Variants in PTK2B observed in about 807,000 individuals in gnomAD.
PTK2B encodes protein-tyrosine kinase 2-beta.
Under a neutral mutation model 142.9 loss-of-function variants are expected in PTK2B, and 71 were observed. The observed-to-expected ratio is 0.50, with a 90% CI of 0.41 to 0.61. PTK2B has a LOEUF of 0.61. Among genes scored for constraint, PTK2B ranks in the 20% least tolerant of loss-of-function variants. PTK2B has a pLI of 0.00. For missense variants in PTK2B, 1,105 were observed against 1,320.4 expected (o/e 0.84, Z 2.53); for synonymous variants, 519 against 503.4 (o/e 1.03, Z -0.42).
upstream of PTK2B, among the ~76,000 whole-genome samples, chr8:27,322,060 G>C (rs557929202): frequency 5.5e-4 from 83 of 151,654 alleles, no homozygotes; most frequent in African/African-American, 1.9e-3. Context: ...CATGATTATA[G>C]CTCACTGTAA....
In PTK2B at chr8:27,444,235, G is replaced by A. The variant is rs144972819; in HGVS notation, c.2178G>A (p.Pro726=). 5.8e-5 allele frequency: 93 copies of A among 1,613,766 alleles called. No individual in the cohort carries two copies. The African/African-American group carries it at 7.7e-4, about 13-fold the overall frequency. Reference sequence around the variant, plus strand: ...GCCGACCTAAGTACAGACCCCCTCCGCAAACCAACCTCCTGGCTCCAAAGC... The same window carrying A: ...GCCGACCTAAGTACAGACCCCCTCCACAAACCAACCTCCTGGCTCCAAAGC... ...KPSRPKYRPP[P]QTNLLAPKLQ... Residue 726 remains proline (P), a synonymous_variant, in exon 23 of 31, where the codon CCG becomes CCA. Coordinates refer to ENST00000346049, the MANE Select transcript of PTK2B (RefSeq NM_173176.3).
intron 10 of PTK2B, among the ~76,000 whole-genome samples, chr8:27,432,710 T>G (rs937714393): frequency 3.3e-5 from 5 of 152,066 alleles, no homozygotes; most frequent in Admixed American, 6.5e-5. Context: ...ACATGGGTTT[T>G]TTTGTTTGTT....
chr8:27,366,488 A>C (rs1201523196), intron 1 of PTK2B, among the ~76,000 whole-genome samples: 1 of 152,238 alleles, frequency 6.6e-6, no homozygotes, highest in African/African-American at 2.4e-5. Flanking sequence ...TCTTTCCACC[A>C]GCCAGATCAT....
chr8:27,311,411 C>CT, upstream of PTK2B: 3 of 792,174 alleles, frequency 3.8e-6, no homozygotes, highest in South Asian at 1.9e-5. Context: ...AGGGAGGGGG[C>CT]GCTCGGAGGA....
At position 27,448,299 on chromosome 8, in the gene PTK2B, T is replaced by C. The variant is rs191724604; in HGVS notation, c.2340+2380T>C. Among the ~76,000 whole-genome samples, 161 of 152,330 alleles carry C rather than the reference T, an allele frequency of 1.1e-3. 4 individuals carry two copies. Among genetic ancestry groups the C allele is most frequent in the Middle Eastern group, 3.4e-3 (1 of 294 alleles). On this transcript the variant is annotated intron_variant, in intron 24 of 30. Transcript: ENST00000346049. Reference sequence around the variant, plus strand: ...TGGGTCATAGCCAGATTATGGAAGGTGTCACAACTTACGAGAGTCATTTTA... The same window carrying C: ...TGGGTCATAGCCAGATTATGGAAGGCGTCACAACTTACGAGAGTCATTTTA...
At chr8:27,450,443 G>A (rs1811727544) in intron 24 of PTK2B, among the ~76,000 whole-genome samples, 2 of 152,190 alleles carry the variant, frequency 1.3e-5, no homozygotes, top group Admixed American at 6.5e-5. Context: ...CAAACACTGA[G>A]ATAATAGTAG....
intron 1 of PTK2B, among the ~76,000 whole-genome samples, chr8:27,370,637 A>G (rs1311364308): frequency 6.6e-6 from 1 of 152,238 alleles, no homozygotes; most frequent in Non-Finnish European, 1.5e-5. Context: ...ATGAGACTCA[A>G]GAGCAATGCA....
intron 1 of PTK2B, among the ~76,000 whole-genome samples, chr8:27,351,572 T>C (rs1450325736): frequency 6.6e-6 from 1 of 152,046 alleles, no homozygotes; most frequent in Non-Finnish European, 1.5e-5. Flanking sequence ...GAACTGAGTT[T>C]CCAAAAATAT....
At position 27,445,905 on chromosome 8, in the gene PTK2B, C is replaced by T. The variant is rs374410320; in HGVS notation, c.2326C>T (p.Arg776Cys). The change falls in exon 24 of 31, where the codon CGC becomes TGC. Residue 776 changes from arginine to cysteine, a missense_variant. Arg to Cys is a radical substitution (Grantham distance 180, BLOSUM62 -3). Transcript: ENST00000346049. ...PPLHRHNVFK[R>C]HSMREEDFIQ... ...TCTCCACCGGCACAATGTCTTCAAA[C>T]GCCACAGCATGCGGGTAAGAGGGCT... 9.3e-6 allele frequency: 15 copies of T among 1,613,768 alleles called. No individual in the cohort carries two copies. The highest frequency in any genetic ancestry group is 2.7e-5 in the African/African-American group (2 of 74,910).
Position 27,457,975 on chromosome 8 carries a change from CA to C in PTK2B, c.2815-296del, listed in dbSNP as rs11317355. 3.2e-3 allele frequency among the ~76,000 whole-genome samples: 302 copies of C among 94,026 alleles called. 2 individuals carry two copies. The highest frequency in any genetic ancestry group is 0.012 in the African/African-American group (240 of 19,858). 61.7% of individuals were successfully genotyped at this position (94,026 alleles called of 152,430 possible). A position where few individuals can be genotyped will look rare whatever the true frequency, so the allele number is the denominator to read the frequency against. On this transcript the variant is annotated intron_variant, in intron 30 of 30. Transcript: ENST00000346049. ...GGGCAACAGGAACAAAACTCAGTCTCAAAAAAAAAAAAAAAAAAAAAAAGAT... is the reference window on the plus strand; with the variant it reads ...GGGCAACAGGAACAAAACTCAGTCTCAAAAAAAAAAAAAAAAAAAAAAGAT...
chr8:27,381,654 G>C (rs1807030193), intron 1 of PTK2B, among the ~76,000 whole-genome samples: 1 of 152,062 alleles, frequency 6.6e-6, no homozygotes, highest in African/African-American at 2.4e-5. Flanking sequence ...AATTTCCTCT[G>C]GAAAAAATCC....
intron 1 of PTK2B, among the ~76,000 whole-genome samples, chr8:27,376,852 T>C (rs1052453728): frequency 6.6e-6 from 1 of 152,236 alleles, no homozygotes; most frequent in Non-Finnish European, 1.5e-5. Flanking sequence ...AACAGCAGCC[T>C]TCAAGACTGC....
intron 1 of PTK2B, among the ~76,000 whole-genome samples, chr8:27,366,870 G>C (rs1008803899): frequency 6.6e-6 from 1 of 152,066 alleles, no homozygotes; most frequent in Non-Finnish European, 1.5e-5. Context: ...GAGAGGGTGT[G>C]GGGGAGGGAG....
intron 2 of PTK2B, among the ~76,000 whole-genome samples, chr8:27,408,573 T>C (rs915754940): frequency 6.6e-6 from 1 of 152,246 alleles, no homozygotes; most frequent in Non-Finnish European, 1.5e-5. Flanking sequence ...TTTGTATGCC[T>C]TTTCTCCTTT....
rs532819396 is a variant in PTK2B, at chr8:27,417,428, G to A, written c.205-2467G>A. Among the ~76,000 whole-genome samples, 39 of 152,070 alleles carry A rather than the reference G, an allele frequency of 2.6e-4. No individual in the cohort carries two copies. In the South Asian group the frequency reaches 7.9e-3, roughly 31 times the overall value. On this transcript the variant is annotated intron_variant, in intron 2 of 30. Transcript: ENST00000346049. ...GTAGGGTAAGGTTGACTGGAGAGGC[G>A]GGAGGTAGTGGGGCCATGAGGGTGG...
At chr8:27,385,637 A>G (rs983382789) in intron 1 of PTK2B, among the ~76,000 whole-genome samples, 1 of 152,178 alleles carries the variant, frequency 6.6e-6, no homozygotes, top group African/African-American at 2.4e-5. Context: ...CCATGCCTGT[A>G]ATCCCAGCAC....
At chr8:27,388,265 G>A (rs2131264702) in intron 1 of PTK2B, among the ~76,000 whole-genome samples, 1 of 152,342 alleles carries the variant, frequency 6.6e-6, no homozygotes, top group African/African-American at 2.4e-5. Context: ...AGGGGGACAT[G>A]AGATTTGCAG....
intron 1 of PTK2B, among the ~76,000 whole-genome samples, chr8:27,371,847 C>G (rs1488105554): frequency 6.6e-6 from 1 of 152,174 alleles, no homozygotes; most frequent in African/African-American, 2.4e-5. Context: ...CATGCCTGGC[C>G]AACAGAATCT....
intron 2 of PTK2B, among the ~76,000 whole-genome samples, chr8:27,414,610 G>GTGTGTGTGTGTGTGTATGTGTGTGTGTT (rs1374260572): frequency 6.6e-6 from 1 of 151,880 alleles, no homozygotes; most frequent in Non-Finnish European, 1.5e-5. Context: ...CTCTCTCTGT[G>GTGTGTGTGTGTGTGTATGTGTGTGTGTT]TGTGTGTGTG....
Sources: gnomAD v4.1 joint callset for allele counts (sites outside exome capture counted in the v4.1 genomes callset) on GRCh38, gnomAD v4.1.1 for gene constraint, MANE v1.5 for transcripts, NCBI Gene and HGNC (gene_info 2026-07-23, HGNC 2026-07-21) for gene names.